TXNRD2: variants seen among roughly 807,000 people sequenced by gnomAD.
TXNRD2 encodes the protein thioredoxin reductase 2, mitochondrial.
Under a neutral mutation model 70.8 loss-of-function variants are expected in TXNRD2, and 67 were observed. That is an observed-to-expected ratio of 0.95 (90% CI 0.78 to 1.16). The LOEUF (loss-of-function observed/expected upper bound fraction) is 1.16, where lower values mean the gene tolerates loss of function less well. TXNRD2 is among the 50% of genes most tolerant of loss of function. The probability of loss-of-function intolerance (pLI) is 0.00; values close to 1 mark genes in which losing one functional copy is unlikely to be tolerated. For synonymous variants in TXNRD2, 301 were observed against 295.8 expected (o/e 1.02, Z -0.18); for missense variants, 644 against 719.9 (o/e 0.89, Z 1.21).
At chr22:19,897,084 C>T (rs1939542197) in intron 10 of TXNRD2, among the ~76,000 whole-genome samples, 1 of 152,198 alleles carries the variant, frequency 6.6e-6, no homozygotes, top group Non-Finnish European at 1.5e-5. Flanking sequence ...CTGAGGCCTT[C>T]CTAGACACTG....
At chr22:19,909,872 A>ACACACACACACAACCACACACACC (rs1352901634) in intron 8 of TXNRD2, among the ~76,000 whole-genome samples, 2 of 25,228 alleles carry the variant, frequency 7.9e-5, no homozygotes, top group African/African-American at 2.5e-4. Context: ...CACACACACC[A>ACACACACACACAACCACACACACC]CTCACACACA....
chr22:19,937,321 G>A (rs1005634764), intron 1 of TXNRD2, among the ~76,000 whole-genome samples: 8 of 152,150 alleles, frequency 5.3e-5, no homozygotes, highest in Non-Finnish European at 8.8e-5. Context: ...GATAAATTAC[G>A]CACCCCAGGC....
intron 14 of TXNRD2, among the ~76,000 whole-genome samples, chr22:19,879,869 G>T (rs574099852): frequency 3.3e-5 from 5 of 152,264 alleles, no homozygotes; most frequent in African/African-American, 1.2e-4. Context: ...GGTGGGGCTG[G>T]GGGCTTCTGG....
intron 7 of TXNRD2, among the ~76,000 whole-genome samples, chr22:19,912,018 TGGGCAGGGACTGA>T (rs1956745372): frequency 1.3e-5 from 2 of 151,750 alleles, no homozygotes; most frequent in African/African-American, 4.8e-5. Flanking sequence ...CAGGCTGAGG[TGGGCAGGGACTGA>T]GGGGCAGCTC....
chr22:19,890,263 G>A (rs1227414773), intron 11 of TXNRD2, among the ~76,000 whole-genome samples: 2 of 152,220 alleles, frequency 1.3e-5, no homozygotes, highest in Non-Finnish European at 2.9e-5. Context: ...CTCCATGAAT[G>A]TTCATCTTGG....
chr22:19,922,416 C>T (rs1601462766), intron 2 of TXNRD2, among the ~76,000 whole-genome samples: 1 of 152,092 alleles, frequency 6.6e-6, no homozygotes, highest in African/African-American at 2.4e-5. Context: ...TTTGTTGTTC[C>T]GGGTCCTGGC....
chr22:19,930,491 C>T (rs971163470), intron 2 of TXNRD2, among the ~76,000 whole-genome samples: 7 of 152,126 alleles, frequency 4.6e-5, no homozygotes, highest in Non-Finnish European at 8.8e-5. Flanking sequence ...CCAGCCCGTT[C>T]GCCCAACATC....
In TXNRD2 at chr22:19,915,284, G is replaced by A. The variant is rs754998172; in HGVS notation, c.529-8C>T. On this transcript the variant is annotated splice_polypyrimidine_tract_variant and splice_region_variant and intron_variant, in intron 6 of 17. Transcript: ENST00000400521. Reference sequence around the variant, plus strand: ...ATCGGCTGACAGCAGAATCTGAGGAGAAAAAGAGAAAGCCGTGGGTCAGAC... The same window carrying A: ...ATCGGCTGACAGCAGAATCTGAGGAAAAAAAGAGAAAGCCGTGGGTCAGAC... The A allele has an allele frequency of 6.2e-6, 10 of 1,612,832 alleles. No individual in the cohort carries two copies. The Admixed American group carries it at 1.0e-4, about 16-fold the overall frequency.
chr22:19,885,922 G>T (rs1436171194), intron 11 of TXNRD2, among the ~76,000 whole-genome samples: 1 of 152,228 alleles, frequency 6.6e-6, no homozygotes, highest in Non-Finnish European at 1.5e-5. Context: ...GATAAAAGAG[G>T]CATGGAAATA....
intron 1 of TXNRD2, among the ~76,000 whole-genome samples, chr22:19,934,878 T>C (rs1031209846): frequency 2.0e-5 from 3 of 152,228 alleles, no homozygotes; most frequent in African/African-American, 7.2e-5. Context: ...GTAATACTTT[T>C]ATAATTTCTT....
chr22:19,906,495 G>A (rs76320614), intron 8 of TXNRD2, among the ~76,000 whole-genome samples: 5,275 of 152,038 alleles, frequency 0.035, 132 homozygotes, highest in South Asian at 0.087. Context: ...GGTGGCGAGC[G>A]CCTGTAATCC....
intron 10 of TXNRD2, among the ~76,000 whole-genome samples, chr22:19,896,320 A>G (rs7510938): frequency 2.1e-5 from 3 of 141,458 alleles, no homozygotes; most frequent in African/African-American, 3.0e-5. Context: ...AAGAAAGAAA[A>G]AAAAGAAAAA....
chr22:19,877,844 G>A (rs1165150560), intron 16 of TXNRD2, among the ~76,000 whole-genome samples: 4 of 152,316 alleles, frequency 2.6e-5, no homozygotes, highest in Non-Finnish European at 4.4e-5. Context: ...CCCTAGCAGC[G>A]ACCCGGGGCC....
intron 8 of TXNRD2, among the ~76,000 whole-genome samples, chr22:19,901,619 C>T (rs1939780989): frequency 6.6e-6 from 1 of 152,170 alleles, no homozygotes; most frequent in Non-Finnish European, 1.5e-5. Flanking sequence ...CAACAGAGAA[C>T]TCCGTTCAGA....
Position 19,878,453 on chromosome 22 carries a change from C to A in TXNRD2, c.1276-16G>T. The A allele has an allele frequency of 6.2e-7, 1 of 1,612,196 alleles. No individual in the cohort carries two copies. The highest frequency in any genetic ancestry group is 8.5e-7 in the Non-Finnish European group (1 of 1,178,910). ...CGTGATAGACCTGAGGACAGGATAC[C>A]AACCCTGGATCAGTGCTGCGACAAA... is the stretch of plus-strand genomic sequence containing the variant. On this transcript the variant is annotated splice_polypyrimidine_tract_variant and intron_variant, in intron 14 of 17. Coordinates refer to ENST00000400521, the MANE Select transcript of TXNRD2 (RefSeq NM_006440.5).
chr22:19,900,080 C>A (rs1012638457), intron 8 of TXNRD2, among the ~76,000 whole-genome samples: 1 of 152,244 alleles, frequency 6.6e-6, no homozygotes, highest in Non-Finnish European at 1.5e-5. Context: ...AGGTGCCCTG[C>A]GGGAAGCATC....
At chr22:19,878,920 C>A (rs1275085484) in intron 14 of TXNRD2, among the ~76,000 whole-genome samples, 2 of 152,136 alleles carry the variant, frequency 1.3e-5, no homozygotes, top group Admixed American at 6.5e-5. Context: ...GCTTTCAGCA[C>A]CCCTGAAGGG....
At position 19,880,135 on chromosome 22, in the gene TXNRD2, G is replaced by A. The variant is rs149375690; in HGVS notation, c.1275+44C>T. The A allele has an allele frequency of 3.8e-3, 6,066 of 1,589,658 alleles. 18 individuals carry two copies. The highest frequency in any genetic ancestry group is 5.5e-3 in the East Asian group (245 of 44,772). ...TCCGCCCAGAGCATGGGGTGAGGTCGTGGAGTCGCCACTGTCCTCAGCTGT... is the reference window on the plus strand; with the variant it reads ...TCCGCCCAGAGCATGGGGTGAGGTCATGGAGTCGCCACTGTCCTCAGCTGT... On this transcript the variant is annotated intron_variant, in intron 14 of 17. Coordinates refer to ENST00000400521, the MANE Select transcript of TXNRD2 (RefSeq NM_006440.5).
chr22:19,900,849 GA>G (rs1413207505), intron 8 of TXNRD2, among the ~76,000 whole-genome samples: 2 of 152,348 alleles, frequency 1.3e-5, no homozygotes, highest in East Asian at 3.9e-4. Context: ...GTAACTGGGC[GA>G]GAGCCCATTG....
Sources: gnomAD v4.1 joint callset for allele counts (sites outside exome capture counted in the v4.1 genomes callset) on GRCh38, gnomAD v4.1.1 for gene constraint, MANE v1.5 for transcripts, NCBI Gene and HGNC (gene_info 2026-07-23, HGNC 2026-07-21) for gene names.